Variants in SGCZ observed in about 807,000 individuals in gnomAD.
SGCZ encodes zeta-sarcoglycan.
SGCZ carries 40 observed loss-of-function variants against 41.3 expected under a neutral mutation model. That is an observed-to-expected ratio of 0.97 (90% CI 0.75 to 1.26). The LOEUF (loss-of-function observed/expected upper bound fraction) is 1.26. Ranked by LOEUF, SGCZ falls within the 50% of genes most tolerant of loss-of-function variation. The pLI is 0.00. For synonymous variants in SGCZ, 206 were observed against 137.5 expected, an observed-to-expected ratio of 1.50 and a Z score of -3.49; for missense variants, 552 against 369.8, an observed-to-expected ratio of 1.49 and a Z score of -4.04.
At chr8:14,387,217 T>G (rs1384845511) in intron 2 of SGCZ, among the ~76,000 whole-genome samples, 1 of 152,080 alleles carries the variant, frequency 6.6e-6, no homozygotes, top group African/African-American at 2.4e-5. Context: ...ACGACTAACC[T>G]TTAAATTTGT....
In SGCZ at chr8:14,102,387, T is replaced by C. The variant is rs549261966; in HGVS notation, c.733A>G (p.Thr245Ala). 22 of 1,513,888 alleles carry C rather than the reference T, an allele frequency of 1.5e-5. No individual in the cohort carries two copies. Among genetic ancestry groups the C allele is most frequent in the East Asian group, 4.8e-5 (2 of 41,400 alleles). 93.8% of individuals were successfully genotyped at this position (1,513,888 alleles called of 1,614,324 possible). A position where few individuals can be genotyped will look rare whatever the true frequency, so the allele number is the denominator to read the frequency against. The change falls in exon 7 of 8, where the codon ACA becomes GCA. Residue 245 changes from threonine to alanine, a missense_variant. Transcript: ENST00000382080. ...TTTCTGGGACTCACCTCCCCTTCTG[T>C]AGATTGCAGATGGAGCTCCTTCCTG... ...TCRKELHLQS[T>A]EGEIFLNAET...
chr8:14,677,640 C>T (rs964122906), intron 1 of SGCZ, among the ~76,000 whole-genome samples: 5 of 151,980 alleles, frequency 3.3e-5, no homozygotes, highest in Non-Finnish European at 5.9e-5. Context: ...GAGGGGTGGC[C>T]TGTGCCTGTA....
intron 4 of SGCZ, among the ~76,000 whole-genome samples, chr8:14,204,068 C>A (rs988253410): frequency 1.3e-5 from 2 of 151,948 alleles, no homozygotes; most frequent in Non-Finnish European, 2.9e-5. Context: ...CAGGCATTTC[C>A]ATACTGATGG....
At chr8:14,330,442 T>C (rs1217998708) in intron 2 of SGCZ, among the ~76,000 whole-genome samples, 2 of 152,088 alleles carry the variant, frequency 1.3e-5, no homozygotes, top group African/African-American at 2.4e-5. Flanking sequence ...ATTTTCTTTT[T>C]TTTGACAAAG....
At chr8:14,840,176 G>A (rs1399307765) in intron 1 of SGCZ, among the ~76,000 whole-genome samples, 3 of 152,042 alleles carry the variant, frequency 2.0e-5, no homozygotes, top group Admixed American at 2.0e-4. Context: ...AAAAGTCAAG[G>A]AAAGACAATT....
intron 1 of SGCZ, among the ~76,000 whole-genome samples, chr8:14,877,235 G>C (rs939518617): frequency 5.3e-5 from 8 of 152,124 alleles, no homozygotes; most frequent in African/African-American, 1.9e-4. Flanking sequence ...GCCTCTCAAA[G>C]TGCTGGGATT....
chr8:14,261,292 A>G (rs1799657627), intron 3 of SGCZ, among the ~76,000 whole-genome samples: 2 of 152,172 alleles, frequency 1.3e-5, no homozygotes, highest in South Asian at 4.1e-4. Flanking sequence ...GTGATTTAAT[A>G]AGCACATAGA....
At chr8:15,058,466 G>T (rs1169484690) in intron 1 of SGCZ, among the ~76,000 whole-genome samples, 2 of 152,266 alleles carry the variant, frequency 1.3e-5, no homozygotes, top group African/African-American at 4.8e-5. Context: ...AGGACGTGAA[G>T]TGTATATTTG....
intron 3 of SGCZ, among the ~76,000 whole-genome samples, chr8:14,264,269 G>A (rs894677470): frequency 1.3e-5 from 2 of 152,186 alleles, no homozygotes; most frequent in African/African-American, 4.8e-5. Context: ...GGGATGCTGT[G>A]TGTTTAAGGA....
rs530397355 is a variant in SGCZ at position 14,505,018 on chromosome 8, T to C, written c.234+49714A>G. Among the ~76,000 whole-genome samples, 3 of 152,174 alleles carry C rather than the reference T, an allele frequency of 2.0e-5. No homozygotes were observed. The East Asian group carries it at 5.8e-4, about 29-fold the overall frequency. ...GTTGCAGTTTTGATACTCCTAGATA[T>C]AAAATTTATTAAATTATAAAATATG... On this transcript the variant is annotated intron_variant, in intron 2 of 7. Transcript: ENST00000382080.
chr8:14,253,583 T>C (rs1172512928), intron 3 of SGCZ, among the ~76,000 whole-genome samples: 1 of 152,130 alleles, frequency 6.6e-6, no homozygotes, highest in Non-Finnish European at 1.5e-5. Context: ...TCCATATATC[T>C]GTCTATGTAA....
intron 1 of SGCZ, among the ~76,000 whole-genome samples, chr8:14,935,268 G>A (rs1800048082): frequency 6.6e-6 from 1 of 151,656 alleles, no homozygotes; most frequent in Admixed American, 6.6e-5. Context: ...GGTATCACAT[G>A]TATCCTTTTG....
At chr8:14,309,454 C>T in intron 3 of SGCZ, 1 of 1,605,516 alleles carries the variant, frequency 6.2e-7, no homozygotes, top group Non-Finnish European at 8.5e-7. Flanking sequence ...CTGATGACTG[C>T]AGTGATGATG....
intron 1 of SGCZ, among the ~76,000 whole-genome samples, chr8:15,140,183 G>C (rs1309205356): frequency 1.3e-5 from 2 of 151,964 alleles, no homozygotes; most frequent in Non-Finnish European, 2.9e-5. Context: ...CACCACCATG[G>C]TTGGCTAATT....
intron 1 of SGCZ, among the ~76,000 whole-genome samples, chr8:14,843,531 T>A: frequency 6.6e-6 from 1 of 152,262 alleles, no homozygotes; most frequent in South Asian, 2.1e-4. Context: ...AAACACTAAA[T>A]TAAATAGTGT....
intron 5 of SGCZ, among the ~76,000 whole-genome samples, chr8:14,136,545 C>G (rs1039483345): frequency 6.6e-6 from 1 of 152,196 alleles, no homozygotes; most frequent in Admixed American, 6.5e-5. Flanking sequence ...GCCTTGCTCA[C>G]TGCTAGCACA....
At chr8:14,158,308 T>C (rs1803937516) in intron 5 of SGCZ, among the ~76,000 whole-genome samples, 1 of 152,184 alleles carries the variant, frequency 6.6e-6, no homozygotes, top group African/African-American at 2.4e-5. Context: ...TTTGCAGATG[T>C]AATTTAGGCT....
chr8:15,215,442 C>T (rs527576912), intron 1 of SGCZ, among the ~76,000 whole-genome samples: 4 of 152,220 alleles, frequency 2.6e-5, no homozygotes, highest in South Asian at 2.1e-4. Flanking sequence ...TTACTTCCTT[C>T]GGGGAAGTCT....
At chr8:14,554,043 A>G (rs970671453) in intron 2 of SGCZ, among the ~76,000 whole-genome samples, 1 of 152,112 alleles carries the variant, frequency 6.6e-6, no homozygotes, top group Non-Finnish European at 1.5e-5. Flanking sequence ...ATTTTCCCAG[A>G]TAAGTCATGC....
Sources: allele counts gnomAD v4.1 joint callset (sites outside exome capture counted in the v4.1 genomes callset), GRCh38; gene constraint gnomAD v4.1.1; transcripts MANE v1.5; gene names NCBI Gene and HGNC (gene_info 2026-07-23, HGNC 2026-07-21).